The following TTC29 variants were observed in gnomAD, a reference collection of about 807,000 sequenced individuals.
The protein encoded by TTC29 is tetratricopeptide repeat protein 29.
TTC29 carries 49 observed loss-of-function variants against 58.1 expected under a neutral mutation model. The observed-to-expected ratio is 0.84, with a 90% CI of 0.67 to 1.07. The LOEUF (loss-of-function observed/expected upper bound fraction) is 1.07. Among genes scored for constraint, TTC29 ranks in the 50% least tolerant of loss-of-function variants. The pLI, the probability that TTC29 is intolerant of heterozygous loss-of-function variation, is 0.00. For synonymous variants in TTC29, 209 were observed against 196.8 expected (o/e 1.06, Z -0.52); for missense variants, 582 against 555.6 (o/e 1.05, Z -0.48).
chr4:146,884,340 G>A (rs1731834966), intron 6 of TTC29, among the ~76,000 whole-genome samples: 1 of 152,086 alleles, frequency 6.6e-6, no homozygotes, highest in African/African-American at 2.4e-5. Flanking sequence ...AATTTACTCT[G>A]AAAAATGAAG....
At chr4:146,921,513 G>T (rs1734580111) in intron 4 of TTC29, among the ~76,000 whole-genome samples, 1 of 150,804 alleles carries the variant, frequency 6.6e-6, no homozygotes, top group Non-Finnish European at 1.5e-5. Flanking sequence ...CAAAAAGAAA[G>T]CTTGTATAAT....
Position 146,834,788 on chromosome 4 carries a change from T to A in TTC29, c.886-891A>T, listed in dbSNP as rs144120155. On this transcript the variant is annotated intron_variant, in intron 8 of 12. Coordinates refer to ENST00000325106, the MANE Select transcript of TTC29 (RefSeq NM_031956.4). Reference sequence around the variant, plus strand: ...CTGCTACTGCCTGAATCAGGCAGCCTAGAAGGTTTAAGTCTGAGCGGCAGG... The same window carrying A: ...CTGCTACTGCCTGAATCAGGCAGCCAAGAAGGTTTAAGTCTGAGCGGCAGG... Among the ~76,000 whole-genome samples the A allele has an allele frequency of 2.9e-3, 436 of 152,280 alleles. 2 individuals carry two copies. Among genetic ancestry groups the A allele is most frequent in the Non-Finnish European group, 4.7e-3 (320 of 68,018 alleles).
chr4:146,760,849 T>A (rs577341964), intron 11 of TTC29, among the ~76,000 whole-genome samples: 1 of 134,794 alleles, frequency 7.4e-6, no homozygotes, highest in Non-Finnish European at 1.6e-5. Flanking sequence ...GAATACTATA[T>A]ATATATGATG....
intron 6 of TTC29, among the ~76,000 whole-genome samples, chr4:146,881,398 G>A (rs72958286): frequency 0.022 from 3,420 of 152,098 alleles, 101 homozygotes; most frequent in East Asian, 0.13. Context: ...AGACTTTAGG[G>A]AAATATTCCA....
At chr4:146,727,310 G>A (rs1561064478) in intron 11 of TTC29, among the ~76,000 whole-genome samples, 1 of 152,264 alleles carries the variant, frequency 6.6e-6, no homozygotes, top group East Asian at 1.9e-4. Flanking sequence ...TGGCACGAGA[G>A]TGGTGCATTT....
intron 6 of TTC29, among the ~76,000 whole-genome samples, chr4:146,898,673 C>T (rs1732936628): frequency 6.6e-6 from 1 of 152,180 alleles, no homozygotes; most frequent in African/African-American, 2.4e-5. Flanking sequence ...CACCAATCAT[C>T]TATCATCCAA....
At chr4:146,738,931 C>G (rs868656148) in intron 11 of TTC29, among the ~76,000 whole-genome samples, 1 of 152,020 alleles carries the variant, frequency 6.6e-6, no homozygotes, top group Non-Finnish European at 1.5e-5. Context: ...GCCCTTACCC[C>G]GTGCCTTACC....
At chr4:146,922,105 C>G (rs1734629182) in intron 4 of TTC29, among the ~76,000 whole-genome samples, 1 of 149,012 alleles carries the variant, frequency 6.7e-6, no homozygotes, top group African/African-American at 2.5e-5. Context: ...TGCTTAAATG[C>G]AGAACCACTA....
intron 6 of TTC29, among the ~76,000 whole-genome samples, chr4:146,881,923 T>C (rs1473811434): frequency 6.6e-6 from 1 of 152,044 alleles, no homozygotes; most frequent in Non-Finnish European, 1.5e-5. Flanking sequence ...TTAGATGAAA[T>C]ATAAGATGCT....
intron 10 of TTC29, among the ~76,000 whole-genome samples, chr4:146,807,261 C>A (rs1037024340): frequency 6.6e-6 from 1 of 152,148 alleles, no homozygotes; most frequent in African/African-American, 2.4e-5. Flanking sequence ...AAATTTATAG[C>A]ACTAAATGCC....
chr4:146,817,110 G>C (rs1751461272), intron 10 of TTC29, among the ~76,000 whole-genome samples: 1 of 152,134 alleles, frequency 6.6e-6, no homozygotes. Flanking sequence ...GGAAATAAAG[G>C]GTATTCAATT....
intron 11 of TTC29, among the ~76,000 whole-genome samples, chr4:146,709,293 A>G (rs1444990816): frequency 6.6e-6 from 1 of 152,010 alleles, no homozygotes; most frequent in Non-Finnish European, 1.5e-5. Flanking sequence ...TCCTGCATTT[A>G]ACTGTTTGGC....
chr4:146,834,549 C>T (rs968407459), intron 8 of TTC29, among the ~76,000 whole-genome samples: 1 of 152,098 alleles, frequency 6.6e-6, no homozygotes, highest in African/African-American at 2.4e-5. Context: ...TTCAATGGCC[C>T]GAAGGAGAAA....
chr4:146,833,976 AAAATT>A lies in TTC29; in HGVS notation c.886-84_886-80del, dbSNP rs1482551911. ...GTTTCATTTCATAACAGAAAAAAAT[AAAATT>A]AATAGTTGGTTTTAATGTCTCTATA... is the stretch of plus-strand genomic sequence containing the variant. On this transcript the variant is annotated intron_variant, in intron 8 of 12. Coordinates refer to ENST00000325106, the MANE Select transcript of TTC29 (RefSeq NM_031956.4). The A allele has an allele frequency of 2.0e-5, 19 of 973,934 alleles. No homozygotes were observed. The Admixed American group carries it at 2.4e-4, about 12-fold the overall frequency. 60.3% of individuals were successfully genotyped at this position (973,934 alleles called of 1,614,324 possible).
At chr4:146,730,732 A>G (rs1221055254) in intron 11 of TTC29, among the ~76,000 whole-genome samples, 3 of 152,162 alleles carry the variant, frequency 2.0e-5, no homozygotes, top group African/African-American at 7.2e-5. Flanking sequence ...AAGAGGACTG[A>G]GAAATGACTA....
chr4:146,812,811 TAG>T (rs1751112502), intron 10 of TTC29: 1 of 152,230 alleles, frequency 6.6e-6, no homozygotes, highest in African/African-American at 2.4e-5. Flanking sequence ...GTTTAATTCT[TAG>T]AGTTTACTGT....
chr4:146,819,011 C>A (rs1052410712), intron 10 of TTC29, among the ~76,000 whole-genome samples: 1 of 151,524 alleles, frequency 6.6e-6, no homozygotes, highest in Admixed American at 6.6e-5. Context: ...TGCTAAATGA[C>A]GAGTTAATGG....
chr4:146,861,047 C>G (rs1448860951), intron 8 of TTC29, among the ~76,000 whole-genome samples: 1 of 151,942 alleles, frequency 6.6e-6, no homozygotes, highest in Non-Finnish European at 1.5e-5. Flanking sequence ...TAAATTATTG[C>G]AAAATAATAG....
intron 8 of TTC29, among the ~76,000 whole-genome samples, chr4:146,840,919 G>A (rs1006899852): frequency 3.3e-5 from 5 of 152,158 alleles, no homozygotes; most frequent in African/African-American, 1.2e-4. Context: ...ATGCAGCAAT[G>A]TTCAATAGAA....
Sources: allele counts gnomAD v4.1 joint callset (sites outside exome capture counted in the v4.1 genomes callset), GRCh38; gene constraint gnomAD v4.1.1; transcripts MANE v1.5; gene names NCBI Gene and HGNC (gene_info 2026-07-23, HGNC 2026-07-21).